The following DCDC1 variants were observed in gnomAD, a reference collection of about 807,000 sequenced individuals.
DCDC1 encodes the protein doublecortin domain containing 1, also known as doublecortin domain-containing protein 1.
In DCDC1, 200 loss-of-function variants were observed where a neutral mutation model predicts 178.3. That is an observed-to-expected ratio of 1.12 (90% CI 1.00 to 1.26). DCDC1 has a LOEUF of 1.26. Among genes scored for constraint, DCDC1 ranks in the 50% most tolerant of loss-of-function variants. DCDC1 has a pLI of 0.00. For missense variants in DCDC1, 1,983 were observed against 1,749.2 expected, an observed-to-expected ratio of 1.13 and a Z score of -2.38; for synonymous variants, 690 against 604.8, an observed-to-expected ratio of 1.14 and a Z score of -2.07.
chr11:31,235,079 AGATATCTTCATCTAACTAAAGAAG>A (rs1171228752), intron 9 of DCDC1, among the ~76,000 whole-genome samples: 4 of 152,162 alleles, frequency 2.6e-5, no homozygotes, highest in Admixed American at 2.6e-4. Flanking sequence ...TTTCCACATA[AGATATCTTCATCTAACTAAAGAAG>A]GATATCTTCA....
At chr11:30,893,788 T>C (rs1351181643) in intron 35 of DCDC1, among the ~76,000 whole-genome samples, 1 of 152,218 alleles carries the variant, frequency 6.6e-6, no homozygotes, top group African/African-American at 2.4e-5. Flanking sequence ...TTTTTGACTT[T>C]TTTATGTCTG....
At chr11:31,037,829 T>A (rs922462109) in intron 20 of DCDC1, among the ~76,000 whole-genome samples, 1 of 152,078 alleles carries the variant, frequency 6.6e-6, no homozygotes, top group African/African-American at 2.4e-5. Flanking sequence ...AGCTAACCAT[T>A]TCCCACAATT....
At chr11:31,070,602 T>G (rs1239429230) in intron 18 of DCDC1, among the ~76,000 whole-genome samples, 1 of 152,242 alleles carries the variant, frequency 6.6e-6, no homozygotes, top group Non-Finnish European at 1.5e-5. Context: ...TTTGTGACCT[T>G]GGGTAAGTTC....
chr11:31,315,646 C>CTTTTTTT (rs59083470), intron 3 of DCDC1, among the ~76,000 whole-genome samples: 111 of 112,392 alleles, frequency 9.9e-4, no homozygotes, highest in African/African-American at 1.4e-3. Flanking sequence ...ATCTGCATAC[C>CTTTTTTT]TTTTTTTTTT....
rs1966845237 is a variant in DCDC1 at position 31,167,327 on chromosome 11, G to A, written c.1222-29543C>T. ...CTTAAACACTAGCTGTTCAGTAAGT[G>A]TTATGTTTTTATAGGCCAAACATCA... On this transcript the variant is annotated intron_variant, in intron 9 of 38. Transcript: ENST00000684477. Among the ~76,000 whole-genome samples the A allele has an allele frequency of 2.0e-5, 3 of 152,128 alleles. No homozygotes were observed. In the South Asian group the frequency reaches 6.2e-4, roughly 31 times the overall value.
intron 9 of DCDC1, among the ~76,000 whole-genome samples, chr11:31,157,249 G>C (rs1426876327): frequency 6.7e-6 from 1 of 150,306 alleles, no homozygotes. Context: ...AAATGAGCTG[G>C]GCATGGTAGC....
At chr11:31,163,517 T>A (rs941968391) in intron 9 of DCDC1, among the ~76,000 whole-genome samples, 3 of 152,214 alleles carry the variant, frequency 2.0e-5, no homozygotes, top group Non-Finnish European at 2.9e-5. Flanking sequence ...ATGGTTTAAA[T>A]AATGTTCACA....
intron 9 of DCDC1, among the ~76,000 whole-genome samples, chr11:31,145,656 G>A (rs208104): frequency 0.59 from 90,354 of 152,020 alleles, 27,288 homozygotes; most frequent in East Asian, 0.93. Flanking sequence ...AAAAGTATGC[G>A]GGACTGGCCT....
intron 9 of DCDC1, among the ~76,000 whole-genome samples, chr11:31,210,478 CG>C (rs1241959899): frequency 1.2e-4 from 18 of 151,772 alleles, no homozygotes; most frequent in Non-Finnish European, 1.8e-4. Flanking sequence ...TTTGGGAGGC[CG>C]AGGCAGGTGG....
intron 9 of DCDC1, among the ~76,000 whole-genome samples, chr11:31,199,446 CAGA>C (rs762792633): frequency 1.3e-5 from 2 of 152,062 alleles, no homozygotes; most frequent in African/African-American, 2.4e-5. Context: ...CCATCAAACT[CAGA>C]AGAAGACTTT....
At chr11:31,221,799 GCTAAGAATTTT>G (rs1410843828) in intron 9 of DCDC1, among the ~76,000 whole-genome samples, 2 of 152,232 alleles carry the variant, frequency 1.3e-5, no homozygotes, top group African/African-American at 4.8e-5. Flanking sequence ...ATATGGATAG[GCTAAGAATTTT>G]CTAAATCTTT....
chr11:31,135,519 T>C (rs994201327), intron 10 of DCDC1, among the ~76,000 whole-genome samples: 8 of 152,164 alleles, frequency 5.3e-5, no homozygotes, highest in African/African-American at 1.9e-4. Context: ...AGATTTTTTC[T>C]AACAAAAAGT....
At chr11:31,115,693 C>G (rs191417642) in intron 11 of DCDC1, among the ~76,000 whole-genome samples, 23 of 152,130 alleles carry the variant, frequency 1.5e-4, no homozygotes, top group African/African-American at 5.5e-4. Context: ...GACCCTGAGA[C>G]CAAGATTTGC....
chr11:30,925,492 G>T, intron 22 of DCDC1, 84 bp from the exon 23 acceptor site: 1 of 1,206,616 alleles, frequency 8.3e-7, no homozygotes, highest in Non-Finnish European at 1.2e-6. Context: ...TCTGGGGCCT[G>T]AATCCATAAT....
rs142561317 is a variant in DCDC1, at chr11:31,023,000, C to T, written c.2591+41469G>A. ...AACTAAGAAGAGGTTCCTTGAGTCACTCAAAGTGTGAGAATCCAAAAATAT... is the reference window on the plus strand; with the variant it reads ...AACTAAGAAGAGGTTCCTTGAGTCATTCAAAGTGTGAGAATCCAAAAATAT... On this transcript the variant is annotated intron_variant, in intron 20 of 38. Transcript: ENST00000684477. 1.3e-3 allele frequency among the ~76,000 whole-genome samples: 201 copies of T among 152,074 alleles called. 1 individual carries two copies. The highest frequency in any genetic ancestry group is 4.5e-3 in the African/African-American group (188 of 41,480).
chr11:31,097,223 G>C (rs1294058165), intron 15 of DCDC1, among the ~76,000 whole-genome samples: 1 of 152,166 alleles, frequency 6.6e-6, no homozygotes, highest in East Asian at 1.9e-4. Flanking sequence ...TTCCCAAATA[G>C]CTAATGAAGG....
intron 20 of DCDC1, among the ~76,000 whole-genome samples, chr11:31,031,384 A>G (rs1215283107): frequency 1.3e-5 from 2 of 152,162 alleles, no homozygotes; most frequent in Admixed American, 6.5e-5. Context: ...CTGAGATCAA[A>G]GAGCTATGTA....
chr11:30,908,769 T>C (rs1024339069), intron 29 of DCDC1, among the ~76,000 whole-genome samples, 177 bp downstream of exon 29: 24 of 152,150 alleles, frequency 1.6e-4, no homozygotes, highest in Non-Finnish European at 2.8e-4. Flanking sequence ...TCTTTTTCTC[T>C]CACAATTTTC....
chr11:31,276,681 A>T (rs1318910742), intron 7 of DCDC1, among the ~76,000 whole-genome samples: 1 of 152,170 alleles, frequency 6.6e-6, no homozygotes, highest in African/African-American at 2.4e-5. Context: ...CCTTAAAGGT[A>T]CTTTTCTGAA....
Sources: allele counts gnomAD v4.1 joint callset (sites outside exome capture counted in the v4.1 genomes callset), GRCh38; gene constraint gnomAD v4.1.1; transcripts MANE v1.5; gene names NCBI Gene and HGNC (gene_info 2026-07-23, HGNC 2026-07-21).